Variants in TBL1XR1 observed in about 807,000 individuals in gnomAD.
The protein encoded by TBL1XR1 is F-box-like/WD repeat-containing protein TBL1XR1.
In TBL1XR1, 5 loss-of-function variants were observed where a neutral mutation model predicts 66.9. The observed-to-expected ratio is 0.07, with a 90% confidence interval of 0.04 to 0.16. TBL1XR1 has a LOEUF of 0.16. Ranked by LOEUF, TBL1XR1 falls within the 10% of genes least tolerant of loss-of-function variation. TBL1XR1 has a pLI of 1.00. For missense variants in TBL1XR1, 238 were observed against 623.2 expected (o/e 0.38, Z 6.58); for synonymous variants, 210 against 206.0 (o/e 1.02, Z -0.17).
At chr3:177,036,124 T>G (rs1576988329) in intron 12 of TBL1XR1, among the ~76,000 whole-genome samples, 1 of 152,230 alleles carries the variant, frequency 6.6e-6, no homozygotes. Flanking sequence ...GCCAGATCTA[T>G]TACTGAAGTT....
chr3:177,066,108 C>T (rs1719130032), intron 2 of TBL1XR1, among the ~76,000 whole-genome samples: 1 of 152,054 alleles, frequency 6.6e-6, no homozygotes, highest in Non-Finnish European at 1.5e-5. Context: ...TGGAACTATG[C>T]TGGTTGTCCT....
chr3:177,175,072 T>C (rs1438081553), intron 1 of TBL1XR1, among the ~76,000 whole-genome samples: 1 of 152,254 alleles, frequency 6.6e-6, no homozygotes, highest in East Asian at 1.9e-4. Flanking sequence ...TTCTCATGTC[T>C]TATTTTTTAT....
intron 14 of TBL1XR1, among the ~76,000 whole-genome samples, chr3:177,029,899 C>A (rs1470733605): frequency 1.3e-5 from 2 of 151,986 alleles, no homozygotes; most frequent in African/African-American, 4.8e-5. Flanking sequence ...AATGCAAATA[C>A]AAAATGTTTC....
chr3:177,076,319 A>G (rs1166613654), intron 2 of TBL1XR1, among the ~76,000 whole-genome samples: 1 of 152,224 alleles, frequency 6.6e-6, no homozygotes, highest in Non-Finnish European at 1.5e-5. Context: ...TTGTAGACAC[A>G]TCACTCTAGT....
chr3:177,143,349 A>G (rs768084146), intron 1 of TBL1XR1, among the ~76,000 whole-genome samples: 15 of 152,080 alleles, frequency 9.9e-5, no homozygotes, highest in Non-Finnish European at 1.0e-4. Flanking sequence ...ACATAACTAC[A>G]GTGAATGACA....
intron 1 of TBL1XR1, among the ~76,000 whole-genome samples, chr3:177,158,704 T>C (rs533463202): frequency 2.6e-5 from 4 of 152,140 alleles, no homozygotes; most frequent in African/African-American, 7.2e-5. Context: ...GACCTGCATA[T>C]AGATATGATT....
At chr3:177,145,537 A>G (rs1730144964) in intron 1 of TBL1XR1, among the ~76,000 whole-genome samples, 1 of 152,234 alleles carries the variant, frequency 6.6e-6, no homozygotes, top group African/African-American at 2.4e-5. Flanking sequence ...ACAAAGCTCT[A>G]TAATTACATC....
At chr3:177,060,396 G>C (rs1718363386) in intron 3 of TBL1XR1, among the ~76,000 whole-genome samples, 1 of 152,102 alleles carries the variant, frequency 6.6e-6, no homozygotes, top group Non-Finnish European at 1.5e-5. Flanking sequence ...AGGACATTTT[G>C]ATTTTGCAAT....
chr3:177,150,153 T>A (rs1730713573), intron 1 of TBL1XR1, among the ~76,000 whole-genome samples: 1 of 152,300 alleles, frequency 6.6e-6, no homozygotes, highest in South Asian at 2.1e-4. Flanking sequence ...ACAATCAAGA[T>A]GTTGTCAACC....
At chr3:177,194,373 A>G (rs1736556692) in intron 1 of TBL1XR1, among the ~76,000 whole-genome samples, 1 of 152,208 alleles carries the variant, frequency 6.6e-6, no homozygotes, top group Non-Finnish European at 1.5e-5. Context: ...CTAGAAAAAT[A>G]CAAGTTCTAG....
intron 1 of TBL1XR1, among the ~76,000 whole-genome samples, chr3:177,115,350 T>C (rs1019758207): frequency 6.6e-6 from 1 of 152,216 alleles, no homozygotes; most frequent in Non-Finnish European, 1.5e-5. Context: ...TCAGTATTTA[T>C]AAGAGAGACT....
chr3:177,112,129 A>AG (rs1725732575), intron 1 of TBL1XR1, among the ~76,000 whole-genome samples: 1 of 48,276 alleles, frequency 2.1e-5, no homozygotes, highest in Non-Finnish European at 4.3e-5. Context: ...TTTTTTTGTG[A>AG]GGGGCTCTGA....
intron 1 of TBL1XR1, among the ~76,000 whole-genome samples, chr3:177,177,791 C>T (rs141902953): frequency 1.2e-4 from 18 of 152,244 alleles, no homozygotes; most frequent in African/African-American, 4.1e-4. Context: ...CTGCTAGGTC[C>T]TGTTCTAGGT....
chr3:177,165,713 A>C (rs1350329617), intron 1 of TBL1XR1, among the ~76,000 whole-genome samples: 1 of 152,206 alleles, frequency 6.6e-6, no homozygotes. Context: ...AAGACAGTCT[A>C]TTCAACAAAG....
chr3:177,139,121 T>G (rs987257627), intron 1 of TBL1XR1, among the ~76,000 whole-genome samples: 12 of 152,186 alleles, frequency 7.9e-5, no homozygotes, highest in African/African-American at 2.9e-4. Flanking sequence ...AAACATATTT[T>G]AATTCTCATT....
At chr3:177,183,785 A>G (rs1363541321) in intron 1 of TBL1XR1, among the ~76,000 whole-genome samples, 4 of 151,560 alleles carry the variant, frequency 2.6e-5, no homozygotes, top group Admixed American at 6.6e-5. Flanking sequence ...ATTTTTAAGA[A>G]AGGTACAATC....
At chr3:177,105,431 T>C (rs1226986160) in intron 1 of TBL1XR1, among the ~76,000 whole-genome samples, 1 of 152,206 alleles carries the variant, frequency 6.6e-6, no homozygotes, top group Non-Finnish European at 1.5e-5. Context: ...TCAAGCTTTG[T>C]TGCCTAAGAC....
chr3:177,046,186 T>G lies in TBL1XR1; in HGVS notation c.868A>C (p.Thr290Pro), dbSNP rs1716302600. The G allele has an allele frequency of 6.5e-7, 1 of 1,535,022 alleles. No individual in the cohort carries two copies. The highest frequency in any genetic ancestry group is 1.4e-5 in the African/African-American group (1 of 71,762). ...FILSAGVDKT[T>P]IIWDAHTGEA... is the part of the protein sequence containing the mutation. ...CCAGTATGTGCGTCCCAAATAATTG[T>G]AGTCTGAGATTAAAAGGAAAAGAAA... The change falls in exon 10 of 16, where the codon ACA (threonine) becomes CCA (proline). Residue 290 changes from threonine (T) to proline (P), a missense_variant. By Grantham distance (38) the Thr-to-Pro change is conservative. This residue lies in a region of TBL1XR1 where 89 missense variants were observed against 220.2 expected (regional missense o/e 0.40). Coordinates refer to ENST00000457928, the MANE Select transcript of TBL1XR1 (RefSeq NM_024665.7).
chr3:177,055,541 T>C (rs921688941), intron 3 of TBL1XR1, among the ~76,000 whole-genome samples: 9 of 3,616 alleles, frequency 2.5e-3, no homozygotes, highest in African/African-American at 9.0e-3. Context: ...GAGATACCAA[T>C]CGGGGGGCGG....
Sources: allele counts gnomAD v4.1 joint callset (sites outside exome capture counted in the v4.1 genomes callset), GRCh38; gene constraint gnomAD v4.1.1; regional missense constraint gnomAD v4.1.1; transcripts MANE v1.5; gene names NCBI Gene and HGNC (gene_info 2026-07-23, HGNC 2026-07-21).